TRPC5: variants seen among roughly 807,000 people sequenced by gnomAD.
The protein encoded by TRPC5 is transient receptor potential cation channel subfamily C member 5.
Under a neutral mutation model 56.5 loss-of-function variants are expected in TRPC5, and 9 were observed. That is an observed-to-expected ratio of 0.16 (90% CI 0.10 to 0.28). The LOEUF (loss-of-function observed/expected upper bound fraction) is 0.28. TRPC5 is among the 10% of genes least tolerant of loss of function. TRPC5 has a pLI of 1.00. For synonymous variants in TRPC5, 282 were observed against 278.5 expected (o/e 1.01, Z -0.13); for missense variants, 469 against 748.9 (o/e 0.63, Z 4.36).
chrX:111,998,062 G>T (rs1301244417), intron 1 of TRPC5, among the ~76,000 whole-genome samples: 1 of 110,780 alleles, frequency 9.0e-6, no homozygotes, highest in African/African-American at 3.3e-5. Context: ...TCCTTTGGAG[G>T]AGAAGAGGCA....
At chrX:112,081,269 G>T (rs1930958678) in intron 1 of TRPC5, among the ~76,000 whole-genome samples, 1 of 111,988 alleles carries the variant, frequency 8.9e-6, no homozygotes, top group Non-Finnish European at 1.9e-5. Flanking sequence ...GGGAGGGAGG[G>T]AGGTGTCCAC....
intron 1 of TRPC5, among the ~76,000 whole-genome samples, chrX:111,970,274 C>T (rs1013855742): frequency 3.6e-5 from 4 of 111,500 alleles, no homozygotes; most frequent in African/African-American, 1.3e-4. Flanking sequence ...GCTTAATTTG[C>T]TTTTTTGGTT....
intron 1 of TRPC5, among the ~76,000 whole-genome samples, chrX:112,000,728 A>G (rs1434825755): frequency 8.9e-6 from 1 of 112,379 alleles, no homozygotes; most frequent in Non-Finnish European, 1.9e-5. Context: ...AGCACCTAAC[A>G]AAAATGCAAG....
At chrX:111,875,646 T>G (rs1405343940) in intron 3 of TRPC5, among the ~76,000 whole-genome samples, 5 of 104,387 alleles carry the variant, frequency 4.8e-5, no homozygotes, top group Non-Finnish European at 9.7e-5. Context: ...TCTGATTCCA[T>G]TCTTTGATTA....
intron 1 of TRPC5, among the ~76,000 whole-genome samples, chrX:111,966,473 A>G (rs1210233582): frequency 8.9e-6 from 1 of 112,114 alleles, no homozygotes; most frequent in Non-Finnish European, 1.9e-5. Flanking sequence ...TCCCTAACTC[A>G]TTTGATGAGG....
At chrX:111,889,842 G>A (rs1482313069) in intron 3 of TRPC5, among the ~76,000 whole-genome samples, 1 of 111,732 alleles carries the variant, frequency 8.9e-6, no homozygotes, top group Non-Finnish European at 1.9e-5. Context: ...TATTTTCATG[G>A]ATCAGCATAT....
Position 111,776,229 on chromosome X carries a change from AG to A in TRPC5, c.*83del. On this transcript the variant is annotated 3_prime_UTR_variant, in exon 11 of 11. Coordinates refer to ENST00000262839, the MANE Select transcript of TRPC5 (RefSeq NM_012471.3). ...TCCTTTCTGGGGGGCAGGGGCAGTG[AG>A]GGAATCATATTCTGTGTCACCTCTG... 1.0e-6 allele frequency: 1 copy of A among 959,737 alleles called. No individual in the cohort carries two copies. The allele number at this position is 959,737 out of a possible 1,213,427, so 79.1% of individuals were successfully genotyped here. A position where few individuals can be genotyped will look rare whatever the true frequency, so the allele number is the denominator to read the frequency against.
At chrX:111,804,834 C>T (rs1019887171) in intron 7 of TRPC5, among the ~76,000 whole-genome samples, 3 of 111,656 alleles carry the variant, frequency 2.7e-5, no homozygotes, top group African/African-American at 9.8e-5. Context: ...AATTGAATAT[C>T]CTTTATTTCT....
At chrX:111,784,521 G>A (rs1004563232) in intron 7 of TRPC5, among the ~76,000 whole-genome samples, 3 of 111,666 alleles carry the variant, frequency 2.7e-5, no homozygotes, top group African/African-American at 6.5e-5. Flanking sequence ...GAAGACAGAT[G>A]ATTTCAGCAT....
chrX:111,888,693 C>CAAAAAAAAAAAAA (rs753735549), intron 3 of TRPC5, among the ~76,000 whole-genome samples: 2 of 10,979 alleles, frequency 1.8e-4, no homozygotes, highest in Non-Finnish European at 4.2e-4. Context: ...GACTCTATCT[C>CAAAAAAAAAAAAA]AAAAAAAAAA....
At chrX:112,064,850 G>A (rs1199390086) in intron 1 of TRPC5, among the ~76,000 whole-genome samples, 5 of 111,170 alleles carry the variant, frequency 4.5e-5, no homozygotes, top group South Asian at 3.8e-4. Context: ...TGAGGCGGGC[G>A]GATCACGAGG....
In TRPC5 at chrX:111,847,158, G is replaced by A; in HGVS notation, c.1656C>T (p.Asn552=). 1 of 1,212,015 alleles carries A rather than the reference G, an allele frequency of 8.3e-7. No individual in the cohort carries two copies. Among genetic ancestry groups the A allele is most frequent in the Non-Finnish European group, 1.1e-6 (1 of 895,574 alleles). ...GTTTCTCACATCGGATCCCCTTGCA[G>A]TTGTTAGGCTCATCGATAGCTCTGG... ...YETRAIDEPN[N]CKGIRCEKQN... is the part of the protein sequence containing the mutation. Residue 552 remains asparagine, a synonymous_variant, in exon 6 of 11, where the codon AAC becomes AAT. Coordinates refer to ENST00000262839, the MANE Select transcript of TRPC5 (RefSeq NM_012471.3).
chrX:111,939,353 T>C (rs1015536229), intron 2 of TRPC5, among the ~76,000 whole-genome samples: 3 of 111,408 alleles, frequency 2.7e-5, no homozygotes, highest in Admixed American at 1.9e-4. Context: ...TATTGATTTG[T>C]AGTTTTCTTT....
chrX:112,027,255 G>A (rs1223095634), intron 1 of TRPC5, among the ~76,000 whole-genome samples: 1 of 111,822 alleles, frequency 8.9e-6, no homozygotes, highest in Non-Finnish European at 1.9e-5. Flanking sequence ...TCTCCTTTAG[G>A]AGGAAAGGAA....
At chrX:111,943,165 G>T (rs1344703453) in intron 2 of TRPC5, among the ~76,000 whole-genome samples, 1 of 111,800 alleles carries the variant, frequency 8.9e-6, no homozygotes, top group Non-Finnish European at 1.9e-5. Context: ...GGTTTGGAGA[G>T]ATTAAATTAT....
chrX:111,939,388 C>T lies in TRPC5; in HGVS notation c.378+12655G>A, dbSNP rs766563133. Among the ~76,000 whole-genome samples the T allele has an allele frequency of 2.8e-3, 306 of 110,784 alleles. 1 individual carries two copies. The highest frequency in any genetic ancestry group is 4.6e-3 in the Middle Eastern group (1 of 216). On this transcript the variant is annotated intron_variant, in intron 2 of 10. Coordinates refer to ENST00000262839, the MANE Select transcript of TRPC5 (RefSeq NM_012471.3). ...TTTTTGATGGCTCTTTATCTGGCTT[C>T]GGTATCAGGGTAGTACAGGACTTAG...
At chrX:111,790,943 G>A (rs777106995) in intron 7 of TRPC5, among the ~76,000 whole-genome samples, 3 of 95,843 alleles carry the variant, frequency 3.1e-5, no homozygotes, top group Non-Finnish European at 4.0e-5. Flanking sequence ...TTGCTTGAAC[G>A]CAGGAGGCAG....
chrX:111,806,172 A>G (rs115783096), intron 7 of TRPC5, among the ~76,000 whole-genome samples: 36 of 112,266 alleles, frequency 3.2e-4, no homozygotes, highest in African/African-American at 1.2e-3. Flanking sequence ...TATATTTAAT[A>G]AGTATTTGAT....
chrX:111,982,120 G>A (rs1227636608), intron 1 of TRPC5, among the ~76,000 whole-genome samples: 1 of 111,840 alleles, frequency 8.9e-6, no homozygotes, highest in Admixed American at 9.5e-5. Context: ...GTTTCCTGAG[G>A]CCTTTCAGCC....
Sources: gnomAD v4.1 joint callset for allele counts (sites outside exome capture counted in the v4.1 genomes callset) on GRCh38, gnomAD v4.1.1 for gene constraint, MANE v1.5 for transcripts, NCBI Gene and HGNC (gene_info 2026-07-23, HGNC 2026-07-21) for gene names.